The following AAMP variants were observed in gnomAD, a reference collection of about 807,000 sequenced individuals.
AAMP encodes the protein angio associated migratory cell protein, also known as angio-associated migratory cell protein.
In AAMP, 12 loss-of-function variants were observed where a neutral mutation model predicts 51.1. That is an observed-to-expected ratio of 0.23 (90% CI 0.15 to 0.38). The LOEUF (loss-of-function observed/expected upper bound fraction) is 0.38. AAMP is among the 10% of genes least tolerant of loss of function. The pLI is 1.00. For synonymous variants in AAMP, 210 were observed against 218.7 expected (o/e 0.96, Z 0.35); for missense variants, 418 against 557.2 (o/e 0.75, Z 2.52).
At position 218,267,003 on chromosome 2, in the gene AAMP, G is replaced by A. The variant is rs1361047511; in HGVS notation, c.395-17C>T. On this transcript the variant is annotated splice_polypyrimidine_tract_variant and intron_variant, in intron 3 of 10. Coordinates refer to ENST00000248450, the MANE Select transcript of AAMP (RefSeq NM_001087.5). The surrounding 1 kb of genome is among the most constrained non-coding windows in gnomAD (Gnocchi z 4.6). ...CTTTATGGCCTTCAAAGAAAAGTGG[G>A]CAGAAAACAGAGGAAAAAAATAGGG... 6.2e-7 allele frequency: 1 copy of A among 1,610,796 alleles called. No homozygotes were observed. The highest frequency in any genetic ancestry group is 8.5e-7 in the Non-Finnish European group (1 of 1,177,312).
rs753123540 is a variant in AAMP, at chr2:218,266,830, C to A, written c.534+17G>T. ...CCCAAGGCCCCACAGAGCTGACTCC[C>A]GCTCTGATGATCTTACCTCCAGGTC... On this transcript the variant is annotated intron_variant, in intron 4 of 10. Transcript: ENST00000248450. The surrounding 1 kb of genome is among the most constrained non-coding windows in gnomAD (Gnocchi z 4.7). The A allele has an allele frequency of 6.2e-7, 1 of 1,613,608 alleles. No homozygotes were observed. Among genetic ancestry groups the A allele is most frequent in the Non-Finnish European group, 8.5e-7 (1 of 1,179,998 alleles).
chr2:218,266,624 ACC>A lies in AAMP; in HGVS notation c.535-39_535-38del, dbSNP rs772127964. On this transcript the variant is annotated intron_variant, in intron 4 of 10. Coordinates refer to ENST00000248450, the MANE Select transcript of AAMP (RefSeq NM_001087.5). This position sits in a 1 kb window ranked among gnomAD's most constrained non-coding sequence, Gnocchi z 4.7. ...GGAAGGGGCAGCAGGGAGGCCCGTC[ACC>A]CCATCCCACCTAGAAGCCTGCCCCA... 6.3e-5 allele frequency: 100 copies of A among 1,591,388 alleles called. No individual in the cohort carries two copies. The African/African-American group carries it at 1.0e-3, about 16-fold the overall frequency.
At position 218,266,425 on chromosome 2, in the gene AAMP, C is replaced by T. The variant is rs2305836; in HGVS notation, c.679+18G>A. Reference sequence around the variant, plus strand: ...GCCTCTGCACCCAGGAAAGGTCACTCAAGGGAGGTGCTCTCACCATCAGGG... The same window carrying T: ...GCCTCTGCACCCAGGAAAGGTCACTTAAGGGAGGTGCTCTCACCATCAGGG... On this transcript the variant is annotated intron_variant, in intron 5 of 10. Transcript: ENST00000248450. This position sits in a 1 kb window ranked among gnomAD's most constrained non-coding sequence, Gnocchi z 4.7. The T allele has an allele frequency of 6.4e-4, 1,025 of 1,611,994 alleles. 12 individuals carry two copies. The East Asian group carries it at 8.8e-3, about 14-fold the overall frequency.
chr2:218,269,305 C>T (rs1286389669), intron 2 of AAMP, 77 bp downstream of exon 2: 6 of 1,569,544 alleles, frequency 3.8e-6, no homozygotes, highest in African/African-American at 1.4e-5. Context: ...TCCCCCATAA[C>T]GTTCTGTCCA....
At position 218,270,137 on chromosome 2, in the gene AAMP, C is replaced by G. The variant is rs1177031279; in HGVS notation, c.-51G>C. 5 of 1,597,118 alleles carry G rather than the reference C, an allele frequency of 3.1e-6. No homozygotes were observed. Among genetic ancestry groups the G allele is most frequent in the Non-Finnish European group, 3.4e-6 (4 of 1,170,544 alleles). On this transcript the variant is annotated 5_prime_UTR_variant, in exon 1 of 11. Transcript: ENST00000248450. ...TCTGGGCCCAAACGCCTCCCAGAGT[C>G]AGCTCTGCGCGACGACGCGGAACTC...
chr2:218,268,851 A>G (rs1340176513), intron 2 of AAMP, among the ~76,000 whole-genome samples: 1 of 151,818 alleles, frequency 6.6e-6, no homozygotes, highest in Non-Finnish European at 1.5e-5. Flanking sequence ...GGCGCCCGCT[A>G]CCACGCCCAG....
Position 218,266,220 on chromosome 2 carries a change from GAGAGGAAAGA to G in AAMP, c.680-83_680-74del. The G allele has an allele frequency of 6.8e-7, 1 of 1,463,178 alleles. No homozygotes were observed. The highest frequency in any genetic ancestry group is 9.6e-7 in the Non-Finnish European group (1 of 1,046,060). 90.6% of individuals were successfully genotyped at this position (1,463,178 alleles called of 1,614,324 possible). ...CACTAAGCAAGGGAATGGGGAGAGG[GAGAGGAAAGA>G]AGAGTGGAAGGGCCCAGACACTGCC... On this transcript the variant is annotated intron_variant, in intron 5 of 10. Transcript: ENST00000248450. The surrounding 1 kb of genome is among the most constrained non-coding windows in gnomAD (Gnocchi z 4.7).
chr2:218,268,569 C>T (rs10193107), intron 2 of AAMP, among the ~76,000 whole-genome samples: 148,368 of 151,908 alleles, frequency 0.98, 72,526 homozygotes, highest in East Asian at 1. Context: ...CTTGAACTCC[C>T]GACCTCAGGT....
Position 218,265,270 on chromosome 2 carries a change from G to T in AAMP, c.1075-96C>A, listed in dbSNP as rs983142853. 125 of 1,554,124 alleles carry T rather than the reference G, an allele frequency of 8.0e-5. No individual in the cohort carries two copies. The highest frequency in any genetic ancestry group is 1.1e-4 in the Non-Finnish European group (122 of 1,146,770). On this transcript the variant is annotated intron_variant, in intron 9 of 10. Transcript: ENST00000248450. The surrounding 1 kb of genome is among the most constrained non-coding windows in gnomAD (Gnocchi z 6.6). ...CAAAGAGGGACAGCCACACACAAGG[G>T]CCAGGCAGGAGCCAGATCTGGGGTA...
chr2:218,270,042 T>A lies in AAMP; in HGVS notation c.45A>T (p.Pro15=), dbSNP rs1432613251. The part of the protein sequence containing the change: ...SESGAAADTP[P]LETLSFHGDE... The stretch of plus-strand genomic sequence containing the variant: ...CACCATGGAAGCTTAGGGTCTCCAG[T>A]GGGGGGGTGTCAGCAGCAGCCCCGC... The change falls in exon 1 of 11, where the codon CCA becomes CCT. Residue 15 remains proline (P), a synonymous_variant. Coordinates refer to ENST00000248450, the MANE Select transcript of AAMP (RefSeq NM_001087.5). 6.2e-6 allele frequency: 10 copies of A among 1,613,684 alleles called. No homozygotes were observed. The highest frequency in any genetic ancestry group is 8.5e-6 in the Non-Finnish European group (10 of 1,179,926).
In AAMP at chr2:218,266,228, A is replaced by G; in HGVS notation, c.680-81T>C. ...AAGGGAATGGGGAGAGGGAGAGGAA[A>G]GAAGAGTGGAAGGGCCCAGACACTG... On this transcript the variant is annotated intron_variant, in intron 5 of 10. Coordinates refer to ENST00000248450, the MANE Select transcript of AAMP (RefSeq NM_001087.5). This position sits in a 1 kb window ranked among gnomAD's most constrained non-coding sequence, Gnocchi z 4.7. 2.8e-6 allele frequency: 4 copies of G among 1,430,988 alleles called. No individual in the cohort carries two copies. The highest frequency in any genetic ancestry group is 3.9e-6 in the Non-Finnish European group (4 of 1,018,850). 88.6% of individuals were successfully genotyped at this position (1,430,988 alleles called of 1,614,324 possible).
At position 218,266,910 on chromosome 2, in the gene AAMP, G is replaced by C. The variant is rs763277822; in HGVS notation, c.471C>G (p.Leu157=). The C allele has an allele frequency of 4.0e-5, 64 of 1,614,096 alleles. 3 individuals carry two copies. In the South Asian group the frequency reaches 6.9e-4, roughly 17 times the overall value. The stretch of plus-strand genomic sequence containing the variant: ...TAGTGTCCACCTGCCACACTTTCAA[G>C]AGGCCACTCATGTCCCCTGTGGCCA... ...TLVATGDMSG[L]LKVWQVDTKE... The change falls in exon 4 of 11, where the codon CTC becomes CTG. Residue 157 remains leucine, a synonymous_variant. Transcript: ENST00000248450. This position sits in a 1 kb window ranked among gnomAD's most constrained non-coding sequence, Gnocchi z 4.7.
Position 218,265,079 on chromosome 2 carries a change from G to C in AAMP, c.1170C>G (p.Gly390=), listed in dbSNP as rs1690589711. 1 of 1,613,598 alleles carries C rather than the reference G, an allele frequency of 6.2e-7. No homozygotes were observed. Among genetic ancestry groups the C allele is most frequent in the Non-Finnish European group, 8.5e-7 (1 of 1,179,986 alleles). Residue 390 remains glycine, a synonymous_variant, in exon 10 of 11, where the codon GGC becomes GGG. Coordinates refer to ENST00000248450, the MANE Select transcript of AAMP (RefSeq NM_001087.5). This position sits in a 1 kb window ranked among gnomAD's most constrained non-coding sequence, Gnocchi z 6.6. ...GGCCCCGGTAGTCAGTAAGCAGGCGGCCGGTCCGGGCGTCCCAGAGGCGCA... is the reference window on the plus strand; with the variant it reads ...GGCCCCGGTAGTCAGTAAGCAGGCGCCCGGTCCGGGCGTCCCAGAGGCGCA... ...GIVRLWDART[G]RLLTDYRGHT...
In AAMP at chr2:218,269,947, G is replaced by C; in HGVS notation, c.121+19C>G. 1 of 1,614,074 alleles carries C rather than the reference G, an allele frequency of 6.2e-7. No homozygotes were observed. The highest frequency in any genetic ancestry group is 8.5e-7 in the Non-Finnish European group (1 of 1,179,966). ...GTGAGCGTCTCCTGTCCCATGGCCT[G>C]AGGAGCGGCAGTTCTCACCTGGGTC... is the stretch of plus-strand genomic sequence containing the variant. On this transcript the variant is annotated intron_variant, in intron 1 of 10. Transcript: ENST00000248450.
chr2:218,265,329 A>G lies in AAMP; in HGVS notation c.1074+42T>C, dbSNP rs1690598045. The stretch of plus-strand genomic sequence containing the variant: ...TGGAGGCCTGGGCTTCCCCACCACT[A>G]TGGACACAGCCCACAGGGACCCCAG... On this transcript the variant is annotated intron_variant, in intron 9 of 10. Transcript: ENST00000248450. This position sits in a 1 kb window ranked among gnomAD's most constrained non-coding sequence, Gnocchi z 6.6. The G allele has an allele frequency of 1.3e-6, 2 of 1,533,522 alleles. No homozygotes were observed. Among genetic ancestry groups the G allele is most frequent in the Non-Finnish European group, 1.8e-6 (2 of 1,129,256 alleles). The allele number at this position is 1,533,522 out of a possible 1,614,324, so 95.0% of individuals were successfully genotyped here.
Position 218,266,077 on chromosome 2 carries a change from G to C in AAMP, c.750C>G (p.Ile250Met). The C allele has an allele frequency of 6.2e-7, 1 of 1,614,132 alleles. No individual in the cohort carries two copies. Residue 250 changes from isoleucine to methionine, a missense_variant, in exon 6 of 11, where the codon ATC becomes ATG. Physicochemically the swap from Ile to Met is conservative, Grantham distance 10. Transcript: ENST00000248450. The surrounding 1 kb of genome is among the most constrained non-coding windows in gnomAD (Gnocchi z 4.7). ...RIWDLKQGSP[I>M]HVLKGTEGHQ... ...CACCTCTGATACCTTTCAGTACATGGATAGGGCTTCCCTGCTTCAGGTCCC... is the reference window on the plus strand; with the variant it reads ...CACCTCTGATACCTTTCAGTACATGCATAGGGCTTCCCTGCTTCAGGTCCC...
rs140610263 is a variant in AAMP, at chr2:218,266,510, C to T, written c.612G>A (p.Pro204=). The T allele has an allele frequency of 9.0e-5, 145 of 1,613,960 alleles. 1 individual carries two copies. In the African/African-American group the frequency reaches 1.4e-3, roughly 16 times the overall value. Residue 204 remains proline, a synonymous_variant, in exon 5 of 11, where the codon CCG becomes CCA. Coordinates refer to ENST00000248450, the MANE Select transcript of AAMP (RefSeq NM_001087.5). This position sits in a 1 kb window ranked among gnomAD's most constrained non-coding sequence, Gnocchi z 4.7. ...CCTGGAAGGTCTTGCAGTCACCATTCGGGACTTTCCACATCCAGGTGTTGC... is the reference window on the plus strand; with the variant it reads ...CCTGGAAGGTCTTGCAGTCACCATTTGGGACTTTCCACATCCAGGTGTTGC... ...ADGNTWMWKV[P]NGDCKTFQGP... is the part of the protein sequence containing the mutation.
At position 218,267,702 on chromosome 2, in the gene AAMP, C is replaced by A. The variant is rs1200684600; in HGVS notation, c.275-89G>T. ...AATCTTCAGGAAACCCACCCCCTTT[C>A]ACCCAAAGCGTGTCTTTCCTCCTGG... On this transcript the variant is annotated intron_variant, in intron 2 of 10. Coordinates refer to ENST00000248450, the MANE Select transcript of AAMP (RefSeq NM_001087.5). The surrounding 1 kb of genome is among the most constrained non-coding windows in gnomAD (Gnocchi z 4.6). The A allele has an allele frequency of 2.0e-6, 3 of 1,534,174 alleles. No homozygotes were observed. In the East Asian group the frequency reaches 6.8e-5, roughly 35 times the overall value.
Position 218,266,903 on chromosome 2 carries a change from C to T in AAMP, c.478G>A (p.Val160Met). 6.2e-7 allele frequency: 1 copy of T among 1,614,230 alleles called. No homozygotes were observed. Among genetic ancestry groups the T allele is most frequent in the Non-Finnish European group, 8.5e-7 (1 of 1,180,034 alleles). ...TCCTCCTTAGTGTCCACCTGCCACA[C>T]TTTCAAGAGGCCACTCATGTCCCCT... Reference protein sequence around the residue: ...ATGDMSGLLKVWQVDTKEEVW... With the variant: ...ATGDMSGLLKMWQVDTKEEVW... Residue 160 changes from valine to methionine, a missense_variant, in exon 4 of 11, where the codon GTG becomes ATG. Coordinates refer to ENST00000248450, the MANE Select transcript of AAMP (RefSeq NM_001087.5). This position sits in a 1 kb window ranked among gnomAD's most constrained non-coding sequence, Gnocchi z 4.7.
Sources: allele counts gnomAD v4.1 joint callset (sites outside exome capture counted in the v4.1 genomes callset), GRCh38; gene constraint gnomAD v4.1.1; non-coding constraint Gnocchi (gnomAD v3.1); transcripts MANE v1.5; gene names NCBI Gene and HGNC (gene_info 2026-07-23, HGNC 2026-07-21).